NCOR1: variants seen among roughly 807,000 people sequenced by gnomAD.
NCOR1 encodes the protein nuclear receptor corepressor 1.
In NCOR1, 63 loss-of-function variants were observed where a neutral mutation model predicts 288.1. The ratio of observed to expected loss-of-function variants is 0.22; its 90% CI spans 0.18 to 0.27. The LOEUF is 0.27. Among genes scored for constraint, NCOR1 ranks in the 10% least tolerant of loss-of-function variants. The pLI is 1.00. For missense variants in NCOR1, 2,397 were observed against 3,019.2 expected (o/e 0.79, Z 4.83); for synonymous variants, 1,007 against 1,065.9 (o/e 0.94, Z 1.08).
intron 22 of NCOR1, chr17:16,091,505 A>G: frequency 1.0e-6 from 1 of 972,010 alleles, no homozygotes; most frequent in Non-Finnish European, 1.3e-6. Flanking sequence ...TGAATATTAC[A>G]CTGTAATACT....
At chr17:16,179,162 A>G (rs556238473) in intron 3 of NCOR1, among the ~76,000 whole-genome samples, 1 of 152,298 alleles carries the variant, frequency 6.6e-6, no homozygotes, top group East Asian at 1.9e-4. Flanking sequence ...CAGTGAGCAC[A>G]TTTTTGAAAT....
At chr17:16,209,225 T>C (rs1261182071) in intron 1 of NCOR1, among the ~76,000 whole-genome samples, 2 of 151,480 alleles carry the variant, frequency 1.3e-5, no homozygotes, top group Admixed American at 6.6e-5. Flanking sequence ...CCTTGAAAAA[T>C]AGGATAAATT....
chr17:16,210,655 A>G (rs1037892481), intron 1 of NCOR1, among the ~76,000 whole-genome samples: 1 of 152,178 alleles, frequency 6.6e-6, no homozygotes, highest in African/African-American at 2.4e-5. Context: ...GCCAAAATTT[A>G]ATATTAAGAA....
rs780538344 is a variant in NCOR1 at position 16,175,374 on chromosome 17, T to TA, written c.243-3380dup. 3.0e-3 allele frequency among the ~76,000 whole-genome samples: 426 copies of TA among 144,086 alleles called. 1 individual carries two copies. Among genetic ancestry groups the TA allele is most frequent in the Non-Finnish European group, 4.1e-3 (266 of 65,334 alleles). 94.5% of individuals were successfully genotyped at this position (144,086 alleles called of 152,430 possible). A position where few individuals can be genotyped will look rare whatever the true frequency, so the allele number is the denominator to read the frequency against. ...GACAGAGCCAGACTCATTTGTCTTT[T>TA]AAAAAAAAAAAAACTCTGTAGGCTT... On this transcript the variant is annotated intron_variant, in intron 3 of 45. Coordinates refer to ENST00000268712, the MANE Select transcript of NCOR1 (RefSeq NM_006311.4).
At chr17:16,053,124 A>G (rs565341137) in intron 40 of NCOR1, among the ~76,000 whole-genome samples, 6 of 152,356 alleles carry the variant, frequency 3.9e-5, no homozygotes, top group South Asian at 2.1e-4. Flanking sequence ...ATTCCTCTTG[A>G]AAGCCAGCAC....
chr17:16,178,498 C>CAA (rs564320622), intron 3 of NCOR1, among the ~76,000 whole-genome samples: 1,703 of 31,772 alleles, frequency 0.054, 77 homozygotes, highest in East Asian at 0.077. Flanking sequence ...GACTCCGTCT[C>CAA]AAAAAAAAAA....
At chr17:16,148,175 T>A (rs759565214) in intron 9 of NCOR1, among the ~76,000 whole-genome samples, 1 of 152,178 alleles carries the variant, frequency 6.6e-6, no homozygotes, top group African/African-American at 2.4e-5. Flanking sequence ...CAGGACAGTA[T>A]ACAACCTGGC....
chr17:16,099,884 A>G (rs1266930928), intron 20 of NCOR1, among the ~76,000 whole-genome samples: 1 of 152,204 alleles, frequency 6.6e-6, no homozygotes, highest in East Asian at 1.9e-4. Flanking sequence ...CTACTATATA[A>G]AACACTCTGA....
intron 26 of NCOR1, among the ~76,000 whole-genome samples, chr17:16,079,129 G>A (rs1016327398): frequency 2.0e-5 from 3 of 152,138 alleles, no homozygotes; most frequent in African/African-American, 7.2e-5. Context: ...TCAGCTAAGG[G>A]CTTGGGAAAA....
intron 14 of NCOR1, among the ~76,000 whole-genome samples, chr17:16,128,323 T>C (rs1296731034): frequency 1.3e-5 from 2 of 152,208 alleles, no homozygotes; most frequent in Non-Finnish European, 2.9e-5. Context: ...ACATCTCCTG[T>C]GAAGCCTCTC....
intron 1 of NCOR1, among the ~76,000 whole-genome samples, chr17:16,195,796 G>A (rs1284913938): frequency 6.6e-6 from 1 of 152,046 alleles, no homozygotes; most frequent in African/African-American, 2.4e-5. Flanking sequence ...ACTGACTAAT[G>A]GGAGAACAGG....
At chr17:16,087,446 AACATT>A in intron 22 of NCOR1, 1 of 670,286 alleles carries the variant, frequency 1.5e-6, no homozygotes, top group Non-Finnish European at 2.2e-6. Flanking sequence ...ATCCGACTAT[AACATT>A]AAAGTCTAAA....
At chr17:16,044,926 C>G (rs2058405987) in intron 42 of NCOR1, 2 of 653,994 alleles carry the variant, frequency 3.1e-6, no homozygotes, top group Non-Finnish European at 5.5e-6. Context: ...TCTGAGGAGT[C>G]TGATGATGAC....
At chr17:16,091,440 G>A (rs966809394) in intron 22 of NCOR1, 4 of 521,420 alleles carry the variant, frequency 7.7e-6, no homozygotes, top group African/African-American at 4.1e-5. Flanking sequence ...CTTAGCCAGC[G>A]TCTGATTGGA....
At chr17:16,083,800 T>C (rs1346707087) in intron 23 of NCOR1, among the ~76,000 whole-genome samples, 3 of 152,152 alleles carry the variant, frequency 2.0e-5, no homozygotes, top group Admixed American at 2.0e-4. Context: ...TGTGCTACTT[T>C]CCCCTTACTT....
At chr17:16,169,546 A>G (rs548418590) in intron 4 of NCOR1, among the ~76,000 whole-genome samples, 2 of 152,326 alleles carry the variant, frequency 1.3e-5, no homozygotes, top group African/African-American at 4.8e-5. Context: ...AAGGAGAAGT[A>G]TTAGTTAGTA....
chr17:16,202,223 C>CA (rs35812448), intron 1 of NCOR1, among the ~76,000 whole-genome samples: 49,029 of 97,148 alleles, frequency 0.5, 11,948 homozygotes, highest in Middle Eastern at 0.65. Context: ...GACTCCATCT[C>CA]AAAAAAAAAA....
At chr17:16,168,236 T>G (rs2082404951) in intron 4 of NCOR1, among the ~76,000 whole-genome samples, 1 of 152,162 alleles carries the variant, frequency 6.6e-6, no homozygotes, top group Admixed American at 6.5e-5. Context: ...GTCTCACTCT[T>G]GTCCCCCAGG....
In NCOR1 at chr17:16,080,421, T is replaced by C; in HGVS notation, c.3387A>G (p.Glu1129=). ...AGCATATTTTACCTCTGACTACACC[T>C]TCATGTTGGGCCCTGACCAACAGAC... The part of the protein sequence containing the change: ...PEGLLVRAQH[E]GVVRGTAGAI... Residue 1129 remains glutamate (E), a synonymous_variant, in exon 25 of 46, where the codon GAA becomes GAG. Coordinates refer to ENST00000268712, the MANE Select transcript of NCOR1 (RefSeq NM_006311.4). 7 of 1,613,822 alleles carry C rather than the reference T, an allele frequency of 4.3e-6. No homozygotes were observed. The highest frequency in any genetic ancestry group is 5.9e-6 in the Non-Finnish European group (7 of 1,179,760).
Sources: allele counts gnomAD v4.1 joint callset (sites outside exome capture counted in the v4.1 genomes callset), GRCh38; gene constraint gnomAD v4.1.1; transcripts MANE v1.5; gene names NCBI Gene and HGNC (gene_info 2026-07-23, HGNC 2026-07-21).